The following PRKN variants were observed in gnomAD, a reference collection of about 807,000 sequenced individuals.
The protein encoded by PRKN is parkin RBR E3 ubiquitin protein ligase.
PRKN carries 56 observed loss-of-function variants against 59.5 expected under a neutral mutation model. The ratio of observed to expected loss-of-function variants is 0.94; its 90% CI spans 0.76 to 1.18. The LOEUF (loss-of-function observed/expected upper bound fraction) is 1.18, where lower values mean the gene tolerates loss of function less well. Among genes scored for constraint, PRKN ranks in the 50% most tolerant of loss-of-function variants. The probability of loss-of-function intolerance (pLI) is 0.00; values close to 1 mark genes in which losing one functional copy is unlikely to be tolerated. For synonymous variants in PRKN, 250 were observed against 222.1 expected, an observed-to-expected ratio of 1.13 and a Z score of -1.12; for missense variants, 657 against 596.4, an observed-to-expected ratio of 1.10 and a Z score of -1.06.
At chr6:161,733,112 GTAT>G (rs891685851) in intron 7 of PRKN, among the ~76,000 whole-genome samples, 4 of 152,082 alleles carry the variant, frequency 2.6e-5, no homozygotes, top group South Asian at 2.1e-4. Context: ...GGTATATGAG[GTAT>G]TATTATCAGA....
chr6:161,430,616 C>T (rs534466496), intron 9 of PRKN, among the ~76,000 whole-genome samples: 14 of 151,020 alleles, frequency 9.3e-5, no homozygotes, highest in African/African-American at 3.2e-4. Flanking sequence ...GAGATCAAGA[C>T]CATCCTGGCT....
chr6:162,279,576 C>A (rs1181884329), intron 2 of PRKN, among the ~76,000 whole-genome samples: 1 of 152,078 alleles, frequency 6.6e-6, no homozygotes, highest in African/African-American at 2.4e-5. Context: ...TGTTCTTTTG[C>A]ATTTGCTGAG....
chr6:161,720,965 T>C (rs1322437990), intron 7 of PRKN, among the ~76,000 whole-genome samples: 1 of 152,210 alleles, frequency 6.6e-6, no homozygotes, highest in African/African-American at 2.4e-5. Context: ...CTGTTTTTAA[T>C]TAAAGCTTTT....
At chr6:161,903,265 T>C (rs1778006002) in intron 6 of PRKN, among the ~76,000 whole-genome samples, 1 of 152,102 alleles carries the variant, frequency 6.6e-6, no homozygotes, top group Admixed American at 6.5e-5. Flanking sequence ...CACTGGTAGC[T>C]TGAAGCTGGC....
chr6:162,685,709 A>T (rs140215725), intron 1 of PRKN, among the ~76,000 whole-genome samples: 1 of 152,200 alleles, frequency 6.6e-6, no homozygotes, highest in East Asian at 1.9e-4. Flanking sequence ...ACCAAAATCT[A>T]TATTTCTAGC....
At chr6:162,121,764 C>G (rs183529308) in intron 4 of PRKN, among the ~76,000 whole-genome samples, 9 of 152,310 alleles carry the variant, frequency 5.9e-5, no homozygotes, top group Admixed American at 2.0e-4. Context: ...TGCTGCATCT[C>G]TGCTGGCTCA....
intron 1 of PRKN, among the ~76,000 whole-genome samples, chr6:162,700,376 T>G (rs1460504184): frequency 6.6e-6 from 1 of 152,184 alleles, no homozygotes; most frequent in African/African-American, 2.4e-5. Flanking sequence ...CATGCTCAAT[T>G]TGTGTGAACA....
chr6:162,356,132 C>T (rs1407938926), intron 2 of PRKN, among the ~76,000 whole-genome samples: 1 of 152,102 alleles, frequency 6.6e-6, no homozygotes, highest in East Asian at 1.9e-4. Context: ...TTATTATCTC[C>T]CTTAAATGTA....
intron 1 of PRKN, among the ~76,000 whole-genome samples, chr6:162,490,673 T>C (rs867839941): frequency 2.1e-4 from 32 of 152,172 alleles, no homozygotes; most frequent in African/African-American, 7.7e-4. Context: ...CTGGTCTATA[T>C]TCATTAAGAA....
At chr6:162,042,976 G>A (rs1276792413) in intron 5 of PRKN, among the ~76,000 whole-genome samples, 1 of 152,140 alleles carries the variant, frequency 6.6e-6, no homozygotes, top group Non-Finnish European at 1.5e-5. Flanking sequence ...CCCAAAAACA[G>A]GAAGAAAAAG....
chr6:161,542,890 C>A (rs1484126174), intron 9 of PRKN, among the ~76,000 whole-genome samples: 2 of 151,958 alleles, frequency 1.3e-5, no homozygotes, highest in Admixed American at 1.3e-4. Context: ...ATTTTAATCT[C>A]TAGTCTTAAA....
At chr6:162,582,454 T>C (rs1329713345) in intron 1 of PRKN, among the ~76,000 whole-genome samples, 14 of 152,198 alleles carry the variant, frequency 9.2e-5, no homozygotes, top group Non-Finnish European at 2.1e-4. Flanking sequence ...GGTGCCTGCA[T>C]TTTTGTGTTC....
chr6:162,094,879 C>T (rs541756516), intron 4 of PRKN, among the ~76,000 whole-genome samples: 12 of 152,032 alleles, frequency 7.9e-5, no homozygotes, highest in Admixed American at 7.9e-4. Context: ...CATTATGAAG[C>T]CTTCTATTTT....
At chr6:161,541,643 C>T (rs1040571375) in intron 9 of PRKN, among the ~76,000 whole-genome samples, 1 of 151,954 alleles carries the variant, frequency 6.6e-6, no homozygotes, top group African/African-American at 2.4e-5. Context: ...CAACATGGTG[C>T]AATCCCGTCT....
chr6:162,473,147 G>A (rs1007659971), intron 1 of PRKN, among the ~76,000 whole-genome samples: 1 of 151,964 alleles, frequency 6.6e-6, no homozygotes, highest in Non-Finnish European at 1.5e-5. Context: ...CTAATGCCTT[G>A]GTCATGTTAT....
chr6:161,595,049 C>T (rs1053273211), intron 7 of PRKN, among the ~76,000 whole-genome samples: 4 of 152,098 alleles, frequency 2.6e-5, no homozygotes, highest in African/African-American at 9.7e-5. Flanking sequence ...TTGTGCTATT[C>T]AAAAGGACAA....
intron 7 of PRKN, among the ~76,000 whole-genome samples, chr6:161,719,775 C>A (rs539286043): frequency 6.6e-6 from 1 of 152,174 alleles, no homozygotes; most frequent in Non-Finnish European, 1.5e-5. Flanking sequence ...TACAGACATG[C>A]ACCACCATGT....
At chr6:161,830,704 T>C (rs911134518) in intron 6 of PRKN, among the ~76,000 whole-genome samples, 8 of 152,230 alleles carry the variant, frequency 5.3e-5, no homozygotes, top group Non-Finnish European at 1.0e-4. Flanking sequence ...TATATACCCA[T>C]TGTGAAACGG....
At chr6:161,664,183 T>C (rs1310203209) in intron 7 of PRKN, among the ~76,000 whole-genome samples, 2 of 152,064 alleles carry the variant, frequency 1.3e-5, no homozygotes, top group African/African-American at 4.8e-5. Context: ...ACCCCAAATA[T>C]CCAGCTGTGA....
Sources: allele counts gnomAD v4.1 joint callset (sites outside exome capture counted in the v4.1 genomes callset), GRCh38; gene constraint gnomAD v4.1.1; transcripts MANE v1.5; gene names NCBI Gene and HGNC (gene_info 2026-07-23, HGNC 2026-07-21).